The following DRD3 variants were observed in gnomAD, a reference collection of about 807,000 sequenced individuals.
DRD3 encodes dopamine receptor D3, also known as D(3) dopamine receptor.
Under a neutral mutation model 36.3 loss-of-function variants are expected in DRD3, and 19 were observed. That is an observed-to-expected ratio of 0.52 (90% CI 0.36 to 0.77). DRD3 has a LOEUF of 0.77. DRD3 is among the 30% of genes least tolerant of loss of function. DRD3 has a pLI of 0.00. For synonymous variants in DRD3, 195 were observed against 203.7 expected (o/e 0.96, Z 0.36); for missense variants, 465 against 505.3 (o/e 0.92, Z 0.77).
chr3:114,179,082 T>G (rs199792325), upstream of DRD3: 8 of 152,206 alleles, frequency 5.3e-5, no homozygotes, highest in Non-Finnish European at 8.8e-5. Context: ...TTAGTACATG[T>G]ATATTTTCTC....
At chr3:114,130,152 G>A (rs1393182638) in intron 6 of DRD3, among the ~76,000 whole-genome samples, 7 of 152,102 alleles carry the variant, frequency 4.6e-5, no homozygotes, top group South Asian at 2.1e-4. Context: ...CTAGCTACTC[G>A]GGAGGCTCAG....
At chr3:114,150,555 C>T (rs1164283234) in intron 3 of DRD3, among the ~76,000 whole-genome samples, 2 of 152,198 alleles carry the variant, frequency 1.3e-5, no homozygotes, top group Non-Finnish European at 2.9e-5. Context: ...TAACTGTCTG[C>T]CTCATGGGTC....
intron 4 of DRD3, among the ~76,000 whole-genome samples, chr3:114,143,858 A>G (rs2077548298): frequency 1.3e-5 from 2 of 152,222 alleles, no homozygotes; most frequent in South Asian, 4.1e-4. Flanking sequence ...TCTTATCATC[A>G]GCTTATTCAC....
intron 3 of DRD3, among the ~76,000 whole-genome samples, chr3:114,147,856 A>T (rs2077582609): frequency 6.6e-6 from 1 of 152,168 alleles, no homozygotes; most frequent in African/African-American, 2.4e-5. Flanking sequence ...CTTGGGCTCA[A>T]GCAACTCTCT....
intron 4 of DRD3, among the ~76,000 whole-genome samples, chr3:114,140,741 C>T (rs566155748): frequency 1.2e-4 from 18 of 152,308 alleles, no homozygotes; most frequent in Non-Finnish European, 2.4e-4. Context: ...TCCCTCTTTA[C>T]CATTGTGACA....
rs535129609 is a variant in DRD3 at position 114,169,092 on chromosome 3, T to C, written c.270+2631A>G. Reference sequence around the variant, plus strand: ...TAATTAGTAGAGTAGCTACTCAAACTGTACTATCATTAGGACAAGTTAGTG... The same window carrying C: ...TAATTAGTAGAGTAGCTACTCAAACCGTACTATCATTAGGACAAGTTAGTG... On this transcript the variant is annotated intron_variant, in intron 2 of 6. Coordinates refer to ENST00000383673, the MANE Select transcript of DRD3 (RefSeq NM_000796.6). Among the ~76,000 whole-genome samples, 34 of 152,110 alleles carry C rather than the reference T, an allele frequency of 2.2e-4. 1 individual carries two copies. The South Asian group carries it at 6.7e-3, about 30-fold the overall frequency.
At chr3:114,156,443 A>G (rs1236756090) in intron 3 of DRD3, among the ~76,000 whole-genome samples, 2 of 151,062 alleles carry the variant, frequency 1.3e-5, no homozygotes, top group East Asian at 3.9e-4. Context: ...CATATTCAAG[A>G]GGTTGGTGTT....
At chr3:114,163,269 A>AT (rs35731414) in intron 2 of DRD3, among the ~76,000 whole-genome samples, 88,856 of 150,276 alleles carry the variant, frequency 0.59, 28,380 homozygotes, top group East Asian at 0.72. Context: ...CTTGTAATGA[A>AT]TTTTTTTTTT....
chr3:114,139,880 A>C (rs1577586337), intron 4 of DRD3, among the ~76,000 whole-genome samples, 184 bp from the exon 5 acceptor site: 1 of 152,158 alleles, frequency 6.6e-6, no homozygotes, highest in East Asian at 1.9e-4. Flanking sequence ...TTCATCTTTG[A>C]GTTTCTTACA....
intron 3 of DRD3, among the ~76,000 whole-genome samples, chr3:114,156,777 TTCTTTCTTTCTTTCTTTCTTTCTC>T (rs2077678668): frequency 8.0e-6 from 1 of 124,374 alleles, no homozygotes; most frequent in African/African-American, 2.9e-5. Flanking sequence ...CTTTCTTTCT[TTCTTTCTTTCTTTCTTTCTTTCTC>T]TTTTCTTTTT....
intron 1 of DRD3, among the ~76,000 whole-genome samples, chr3:114,196,003 T>G (rs2107908251): frequency 6.6e-6 from 1 of 152,322 alleles, no homozygotes; most frequent in Non-Finnish European, 1.5e-5. Context: ...GGAATATACC[T>G]GTTGTACTCT....
At chr3:114,164,220 C>CTAAAAAAAAA (rs2077760612) in intron 2 of DRD3, among the ~76,000 whole-genome samples, 1 of 17,776 alleles carries the variant, frequency 5.6e-5, no homozygotes, top group African/African-American at 1.2e-4. Flanking sequence ...GCCTCAGTCT[C>CTAAAAAAAAA]AAAAAAAAAA....
At chr3:114,132,657 T>C (rs544987111) in intron 5 of DRD3, among the ~76,000 whole-genome samples, 377 of 151,868 alleles carry the variant, frequency 2.5e-3, no homozygotes, top group Non-Finnish European at 4.7e-3. Context: ...AATTGTAGTC[T>C]GGCCTTTTTG....
chr3:114,141,448 ATATT>A (rs1310027759), intron 4 of DRD3, among the ~76,000 whole-genome samples: 4 of 152,200 alleles, frequency 2.6e-5, no homozygotes, highest in Non-Finnish European at 5.9e-5. Flanking sequence ...GCTATTCTTA[ATATT>A]TATTTATTTA....
intron 1 of DRD3, among the ~76,000 whole-genome samples, chr3:114,193,595 G>A (rs1286905993): frequency 2.0e-5 from 3 of 152,118 alleles, no homozygotes; most frequent in African/African-American, 7.2e-5. Context: ...TATTGCATAT[G>A]GCCACCTCCT....
At chr3:114,172,083 C>A in intron 1 of DRD3, 56 bp from the exon 2 acceptor site, 2 of 1,283,268 alleles carry the variant, frequency 1.6e-6, no homozygotes, top group Non-Finnish European at 2.0e-6. Context: ...GGCTTGGTTG[C>A]TTAGTTACAT....
At chr3:114,156,912 T>TTCC (rs1559991363) in intron 3 of DRD3, among the ~76,000 whole-genome samples, 29 of 147,942 alleles carry the variant, frequency 2.0e-4, no homozygotes, top group African/African-American at 6.9e-4. Flanking sequence ...TCCTTCCTTC[T>TTCC]TTCCTTCCTT....
At chr3:114,194,669 T>C (rs1454205724) in intron 1 of DRD3, among the ~76,000 whole-genome samples, 19 of 152,212 alleles carry the variant, frequency 1.2e-4, no homozygotes, top group Admixed American at 1.2e-3. Context: ...ACAAATGTGG[T>C]ACATTCTGTC....
chr3:114,145,403 T>A (rs1319517757), intron 4 of DRD3, among the ~76,000 whole-genome samples: 1 of 152,206 alleles, frequency 6.6e-6, no homozygotes, highest in Non-Finnish European at 1.5e-5. Context: ...TAAAGTGTCA[T>A]TCAGTTAAAA....
Sources: allele counts gnomAD v4.1 joint callset (sites outside exome capture counted in the v4.1 genomes callset), GRCh38; gene constraint gnomAD v4.1.1; transcripts MANE v1.5; gene names NCBI Gene and HGNC (gene_info 2026-07-23, HGNC 2026-07-21).